The following GLI3 variants were observed in gnomAD, a reference collection of about 807,000 sequenced individuals.
GLI3 encodes transcription activator GLI3.
GLI3 carries 20 observed loss-of-function variants against 100.8 expected under a neutral mutation model. That is an observed-to-expected ratio of 0.20 (90% CI 0.14 to 0.29). GLI3 has a LOEUF of 0.29. GLI3 is among the 10% of genes least tolerant of loss of function. GLI3 has a pLI of 1.00. For missense variants in GLI3, 2,040 were observed against 2,128.5 expected (o/e 0.96, Z 0.82); for synonymous variants, 938 against 860.5 (o/e 1.09, Z -1.58).
chr7:42,036,086 T>C (rs1032945646), intron 7 of GLI3, among the ~76,000 whole-genome samples: 5 of 152,228 alleles, frequency 3.3e-5, no homozygotes, highest in African/African-American at 1.2e-4. Context: ...TGAATAAATA[T>C]TAGTTTTATA....
intron 13 of GLI3, among the ~76,000 whole-genome samples, chr7:41,971,602 C>T: frequency 6.6e-6 from 1 of 152,158 alleles, no homozygotes; most frequent in Non-Finnish European, 1.5e-5. Flanking sequence ...CTTCCAGATC[C>T]CTCTCTCATG....
At chr7:41,979,974 T>TA (rs1787610042) in intron 10 of GLI3, among the ~76,000 whole-genome samples, 1 of 152,200 alleles carries the variant, frequency 6.6e-6, no homozygotes, top group South Asian at 2.1e-4. Context: ...CTAGATGGCC[T>TA]TTCGCTTTAG....
intron 8 of GLI3, among the ~76,000 whole-genome samples, chr7:42,025,961 G>A (rs1360322999): frequency 6.6e-6 from 1 of 152,216 alleles, no homozygotes; most frequent in African/African-American, 2.4e-5. Context: ...GCCTTATCAA[G>A]CAGCCTGCTG....
At chr7:41,995,321 T>C (rs1437550104) in intron 10 of GLI3, among the ~76,000 whole-genome samples, 2 of 152,174 alleles carry the variant, frequency 1.3e-5, no homozygotes, top group Non-Finnish European at 2.9e-5. Flanking sequence ...TGCTCCTTCC[T>C]GGTTTATCTT....
chr7:42,240,286 T>C (rs79638685), upstream of GLI3, among the ~76,000 whole-genome samples: 4,819 of 152,328 alleles, frequency 0.032, 137 homozygotes, highest in African/African-American at 0.076. Context: ...TAGTTAAGCT[T>C]TTAAGACAGA....
chr7:41,987,101 G>GACACAGACACACACACAC (rs1554308382), intron 10 of GLI3, among the ~76,000 whole-genome samples: 10 of 140,716 alleles, frequency 7.1e-5, no homozygotes, highest in African/African-American at 2.4e-4. Flanking sequence ...CACAGACACA[G>GACACAGACACACACACAC]ACACACACAC....
intron 10 of GLI3, among the ~76,000 whole-genome samples, chr7:42,012,280 G>A (rs536462878): frequency 2.6e-4 from 39 of 152,058 alleles, no homozygotes; most frequent in Non-Finnish European, 4.3e-4. Context: ...TACTGATAGC[G>A]ACAAGCCTCG....
intron 2 of GLI3, among the ~76,000 whole-genome samples, chr7:42,154,353 G>A (rs185899569): frequency 3.0e-3 from 456 of 152,250 alleles, no homozygotes; most frequent in Middle Eastern, 0.014. Flanking sequence ...ACTCGGCCAG[G>A]GGCTTTGTGT....
chr7:42,207,532 T>C (rs1394746486), intron 2 of GLI3, among the ~76,000 whole-genome samples: 1 of 152,232 alleles, frequency 6.6e-6, no homozygotes, highest in Non-Finnish European at 1.5e-5. Context: ...AGTTGCTGTG[T>C]TTCTTGGAGC....
At chr7:41,974,655 T>A (rs1230137924) in intron 12 of GLI3, among the ~76,000 whole-genome samples, 1 of 152,200 alleles carries the variant, frequency 6.6e-6, no homozygotes, top group Non-Finnish European at 1.5e-5. Context: ...GCTAGGATAA[T>A]CATGGGAGGC....
Position 41,967,794 on chromosome 7 carries a change from C to G in GLI3, c.2233G>C (p.Asp745His), listed in dbSNP as rs142249104. ...GTTGAGTCCATGATTGGGGTTTCATCGATGGCACTGAGGTCTCCTATACTA... is the reference window on the plus strand; with the variant it reads ...GTTGAGTCCATGATTGGGGTTTCATGGATGGCACTGAGGTCTCCTATACTA... ...GGSIGDLSAI[D>H]ETPIMDSTIS... is the part of the protein sequence containing the mutation. Residue 745 changes from aspartate (D) to histidine (H), a missense_variant, in exon 14 of 15, where the codon GAT becomes CAT. By Grantham distance (81) the Asp-to-His change is moderately conservative. Around this residue, in one of 5 missense-constraint regions of GLI3, gnomAD observed 327 missense variants for 338.7 expected, o/e 0.97. Coordinates refer to ENST00000395925, the MANE Select transcript of GLI3 (RefSeq NM_000168.6). 1 of 1,614,168 alleles carries G rather than the reference C, an allele frequency of 6.2e-7. No homozygotes were observed. The highest frequency in any genetic ancestry group is 8.5e-7 in the Non-Finnish European group (1 of 1,180,034).
At chr7:41,988,482 G>T (rs1453489278) in intron 10 of GLI3, among the ~76,000 whole-genome samples, 1 of 124,010 alleles carries the variant, frequency 8.1e-6, no homozygotes, top group East Asian at 2.3e-4. Context: ...AAAGGGGGGG[G>T]GGGTGGGGCC....
At chr7:42,232,498 A>G (rs10951676) in intron 1 of GLI3, among the ~76,000 whole-genome samples, 47,846 of 151,690 alleles carry the variant, frequency 0.32, 7,831 homozygotes, top group Middle Eastern at 0.49. Flanking sequence ...GCCCGGGCAG[A>G]CAATGAATTT....
intron 4 of GLI3, among the ~76,000 whole-genome samples, chr7:42,056,699 C>T (rs1784468041): frequency 6.6e-6 from 1 of 151,516 alleles, no homozygotes; most frequent in African/African-American, 2.4e-5. Flanking sequence ...GCCTATAATC[C>T]CAGCACTTTG....
intron 2 of GLI3, among the ~76,000 whole-genome samples, chr7:42,155,636 C>G (rs1786984772): frequency 6.6e-6 from 1 of 152,142 alleles, no homozygotes; most frequent in South Asian, 2.1e-4. Flanking sequence ...GCAAAATTCT[C>G]ACCTCACTCC....
intron 3 of GLI3, among the ~76,000 whole-genome samples, chr7:42,093,780 G>T (rs1785279258): frequency 6.6e-6 from 1 of 152,114 alleles, no homozygotes; most frequent in Admixed American, 6.5e-5. Flanking sequence ...AATCTTAAGA[G>T]CTAGAGAACA....
In GLI3 at chr7:41,965,729, G is replaced by A; in HGVS notation, c.3344C>T (p.Ala1115Val). Residue 1115 changes from alanine (A) to valine (V), a missense_variant, in exon 15 of 15, where the codon GCC (alanine) becomes GTC (valine). This residue lies in a region of GLI3 where 1,041 missense variants were observed against 924.0 expected (regional missense o/e 1.13). Coordinates refer to ENST00000395925, the MANE Select transcript of GLI3 (RefSeq NM_000168.6). ...QAGYEQHFPS[A>V]LPDDSKVPHG... The stretch of plus-strand genomic sequence containing the variant: ...GGGCACTTTGCTGTCGTCCGGGAGG[G>A]CGCTGGGGAAGTGCTGCTCGTACCC... 1.2e-6 allele frequency: 2 copies of A among 1,613,702 alleles called. No homozygotes were observed. The highest frequency in any genetic ancestry group is 1.7e-6 in the Non-Finnish European group (2 of 1,179,922).
chr7:42,200,017 C>T (rs753708080), intron 2 of GLI3, among the ~76,000 whole-genome samples: 1 of 152,176 alleles, frequency 6.6e-6, no homozygotes, highest in Non-Finnish European at 1.5e-5. Context: ...GATCATGCCA[C>T]TGCATTCCAG....
intron 3 of GLI3, among the ~76,000 whole-genome samples, chr7:42,107,699 A>G (rs182703339): frequency 1.3e-5 from 2 of 152,312 alleles, no homozygotes; most frequent in East Asian, 3.9e-4. Context: ...AGGGAGGAAC[A>G]GTGACAAGGC....
Sources: gnomAD v4.1 joint callset for allele counts (sites outside exome capture counted in the v4.1 genomes callset) on GRCh38, gnomAD v4.1.1 for gene constraint, gnomAD v4.1.1 regional missense constraint, MANE v1.5 for transcripts, NCBI Gene and HGNC (gene_info 2026-07-23, HGNC 2026-07-21) for gene names.